Variants in MED27 observed in about 807,000 individuals in gnomAD.
MED27 encodes the protein mediator of RNA polymerase II transcription subunit 27.
A neutral mutation model predicts 38.2 loss-of-function variants in MED27; 30 were observed. The observed-to-expected ratio is 0.79, with a 90% CI of 0.59 to 1.07. The LOEUF (loss-of-function observed/expected upper bound fraction) is 1.07, where lower values mean the gene tolerates loss of function less well. Among genes scored for constraint, MED27 ranks in the 50% least tolerant of loss-of-function variants. The pLI is 0.00. For synonymous variants in MED27, 122 were observed against 153.5 expected (o/e 0.79, Z 1.52); for missense variants, 289 against 397.5 (o/e 0.73, Z 2.32).
In MED27 at chr9:132,058,715, G is replaced by C. The variant is rs534161326; in HGVS notation, c.348+18727C>G. On this transcript the variant is annotated intron_variant, in intron 2 of 7. Transcript: ENST00000292035. ...ATAGAAGGTCACGTGAAGGTCACCG[G>C]ATGACACAAATATCTGGGCTCTCCA... Among the ~76,000 whole-genome samples the C allele has an allele frequency of 2.0e-5, 3 of 152,300 alleles. No homozygotes were observed. In the South Asian group the frequency reaches 6.2e-4, roughly 32 times the overall value.
chr9:131,905,526 G>A (rs900821034), intron 4 of MED27, among the ~76,000 whole-genome samples: 4 of 151,998 alleles, frequency 2.6e-5, no homozygotes, highest in Non-Finnish European at 4.4e-5. Flanking sequence ...ATACTGCTTA[G>A]GCCAACAAAA....
At chr9:131,978,495 C>G (rs1387338210) in intron 3 of MED27, among the ~76,000 whole-genome samples, 2 of 152,226 alleles carry the variant, frequency 1.3e-5, no homozygotes, top group Non-Finnish European at 2.9e-5. Context: ...TCTTGAAAGT[C>G]TTTACACTTT....
At chr9:132,001,592 G>A (rs1023314876) in intron 3 of MED27, among the ~76,000 whole-genome samples, 1 of 152,146 alleles carries the variant, frequency 6.6e-6, no homozygotes. Context: ...GTGGATCTGA[G>A]CATAATAAGC....
At chr9:131,983,129 C>T (rs1831776215) in intron 3 of MED27, among the ~76,000 whole-genome samples, 1 of 152,150 alleles carries the variant, frequency 6.6e-6, no homozygotes, top group Non-Finnish European at 1.5e-5. Flanking sequence ...TAATACTAGC[C>T]ACTTTCTATG....
At chr9:132,034,224 T>C (rs1294689094) in intron 2 of MED27, among the ~76,000 whole-genome samples, 1 of 152,184 alleles carries the variant, frequency 6.6e-6, no homozygotes, top group African/African-American at 2.4e-5. Flanking sequence ...TTAGGTCTCA[T>C]AAATATAAAC....
rs527844510 is a variant in MED27, at chr9:131,889,893, C to T, written c.681+3992G>A. Among the ~76,000 whole-genome samples the T allele has an allele frequency of 5.0e-4, 76 of 152,288 alleles. No individual in the cohort carries two copies. The highest frequency in any genetic ancestry group is 1.7e-3 in the African/African-American group (71 of 41,554). ...CTCCAGGAGACTGCAGCAAAACACC[C>T]CCCTGCAGCCACCTAGGCACCAACT... On this transcript the variant is annotated intron_variant, in intron 5 of 7. Coordinates refer to ENST00000292035, the MANE Select transcript of MED27 (RefSeq NM_004269.4). This position sits in a 1 kb window ranked among gnomAD's most constrained non-coding sequence, Gnocchi z 4.2.
At chr9:131,901,538 G>A (rs1589195772) in intron 4 of MED27, among the ~76,000 whole-genome samples, 1 of 152,304 alleles carries the variant, frequency 6.6e-6, no homozygotes, top group East Asian at 1.9e-4. Flanking sequence ...TTGAGGAACG[G>A]AGGGAGGAGG....
At chr9:131,935,055 G>A (rs568291769) in intron 4 of MED27, among the ~76,000 whole-genome samples, 19 of 152,254 alleles carry the variant, frequency 1.2e-4, no homozygotes, top group Admixed American at 5.9e-4. Flanking sequence ...GGTTACCAGC[G>A]GCTGAGAAGG....
intron 6 of MED27, among the ~76,000 whole-genome samples, chr9:131,870,651 A>G (rs1363449648): frequency 6.6e-6 from 1 of 152,104 alleles, no homozygotes; most frequent in Non-Finnish European, 1.5e-5. Context: ...TGGGGTGGAC[A>G]GGGGTTGTGG....
chr9:131,880,665 G>A (rs1839020450), intron 6 of MED27, among the ~76,000 whole-genome samples: 2 of 152,134 alleles, frequency 1.3e-5, no homozygotes, highest in Admixed American at 6.6e-5. Context: ...AGGAATTGGC[G>A]GATGCTCCTA....
chr9:131,935,471 T>G (rs1039302319), intron 4 of MED27, among the ~76,000 whole-genome samples: 2 of 152,202 alleles, frequency 1.3e-5, no homozygotes, highest in African/African-American at 4.8e-5. Flanking sequence ...CAACATGCCT[T>G]GGCAAGAGAA....
At chr9:131,923,179 T>C (rs1039840736) in intron 4 of MED27, among the ~76,000 whole-genome samples, 2 of 152,224 alleles carry the variant, frequency 1.3e-5, no homozygotes, top group African/African-American at 4.8e-5. Flanking sequence ...TATATCTATT[T>C]CTACATCCAT....
At position 132,062,035 on chromosome 9, in the gene MED27, T is replaced by C. The variant is rs762784774; in HGVS notation, c.348+15407A>G. The stretch of plus-strand genomic sequence containing the variant: ...TGTGCTCTGGAGACACAGGAGTTAG[T>C]AGTCATCTCCCACCAACCTGCAGAA... On this transcript the variant is annotated intron_variant, in intron 2 of 7. Coordinates refer to ENST00000292035, the MANE Select transcript of MED27 (RefSeq NM_004269.4). 4.7e-4 allele frequency among the ~76,000 whole-genome samples: 72 copies of C among 152,300 alleles called. 1 individual carries two copies. In the Middle Eastern group the frequency reaches 0.017, roughly 36 times the overall value.
intron 3 of MED27, among the ~76,000 whole-genome samples, chr9:132,002,499 A>G (rs1326443992): frequency 6.6e-6 from 1 of 152,180 alleles, no homozygotes; most frequent in African/African-American, 2.4e-5. Flanking sequence ...GCAATCTTCA[A>G]CACAGGTGAA....
At chr9:132,012,084 T>C (rs1832497676) in intron 3 of MED27, among the ~76,000 whole-genome samples, 1 of 152,140 alleles carries the variant, frequency 6.6e-6, no homozygotes, top group Non-Finnish European at 1.5e-5. Flanking sequence ...GGTGAACAGA[T>C]GGACTAAGAA....
chr9:131,907,452 G>A (rs1347301577), intron 4 of MED27, among the ~76,000 whole-genome samples: 2 of 152,188 alleles, frequency 1.3e-5, no homozygotes, highest in Non-Finnish European at 2.9e-5. Context: ...TCTCCTAACC[G>A]TGAGTGATCC....
At chr9:132,013,542 A>C (rs1042674292) in intron 3 of MED27, among the ~76,000 whole-genome samples, 1 of 152,190 alleles carries the variant, frequency 6.6e-6, no homozygotes, top group African/African-American at 2.4e-5. Context: ...AGCTTACTGT[A>C]TCTGTTATCC....
At chr9:132,072,140 C>T (rs1311103410) in intron 2 of MED27, among the ~76,000 whole-genome samples, 1 of 152,214 alleles carries the variant, frequency 6.6e-6, no homozygotes, top group South Asian at 2.1e-4. Context: ...AAGTAACACA[C>T]GTTCCATAAA....
intron 2 of MED27, among the ~76,000 whole-genome samples, chr9:132,059,966 C>T (rs1010038682): frequency 6.6e-6 from 1 of 152,062 alleles, no homozygotes; most frequent in African/African-American, 2.4e-5. Context: ...AAGGTAGGAA[C>T]CATGATTCTC....
Sources: gnomAD v4.1 joint callset for allele counts (sites outside exome capture counted in the v4.1 genomes callset) on GRCh38, gnomAD v4.1.1 for gene constraint, Gnocchi (gnomAD v3.1) non-coding constraint, MANE v1.5 for transcripts, NCBI Gene and HGNC (gene_info 2026-07-23, HGNC 2026-07-21) for gene names.